Variants in IFT74 observed in about 807,000 individuals in gnomAD.
The protein encoded by IFT74 is intraflagellar transport protein 74 homolog.
A neutral mutation model predicts 96.7 loss-of-function variants in IFT74; 92 were observed. That is an observed-to-expected ratio of 0.95 (90% CI 0.80 to 1.13). The LOEUF is 1.13. Ranked by LOEUF, IFT74 falls within the 50% of genes most tolerant of loss-of-function variation. The pLI is 0.00. For missense variants in IFT74, 811 were observed against 698.2 expected, an observed-to-expected ratio of 1.16 and a Z score of -1.82; for synonymous variants, 223 against 213.2, an observed-to-expected ratio of 1.05 and a Z score of -0.40.
upstream of IFT74, among the ~76,000 whole-genome samples, chr9:26,955,258 C>T (rs1206865198): frequency 6.6e-6 from 1 of 152,184 alleles, no homozygotes; most frequent in African/African-American, 2.4e-5. Context: ...CCTAACACTG[C>T]AGCTTGCAAC....
intron 11 of IFT74, 102 bp from the exon 12 acceptor site, chr9:27,018,545 T>A: frequency 1.9e-6 from 1 of 531,648 alleles, no homozygotes; most frequent in East Asian, 3.2e-5. Flanking sequence ...GAGAGTAGAT[T>A]TGACACTTTA....
chr9:27,022,832 G>A (rs1375669677), intron 12 of IFT74, among the ~76,000 whole-genome samples: 4 of 151,862 alleles, frequency 2.6e-5, no homozygotes, highest in Non-Finnish European at 5.9e-5. Flanking sequence ...TAGTAGAGAC[G>A]GGGTTTCACT....
chr9:26,987,014 T>G (rs1157935627), intron 6 of IFT74, among the ~76,000 whole-genome samples: 1 of 152,202 alleles, frequency 6.6e-6, no homozygotes, highest in African/African-American at 2.4e-5. Flanking sequence ...TAGTAAATGA[T>G]GTTCTGTTTT....
intron 18 of IFT74, among the ~76,000 whole-genome samples, chr9:27,058,093 CTT>C (rs952005404): frequency 6.9e-6 from 1 of 143,916 alleles, no homozygotes. Context: ...TTTCAGCCTT[CTT>C]TTTTTTTTTT....
intron 12 of IFT74, among the ~76,000 whole-genome samples, chr9:27,025,298 C>T (rs1432428941): frequency 6.7e-6 from 1 of 149,510 alleles, no homozygotes; most frequent in Non-Finnish European, 1.5e-5. Context: ...CAAAAATCCG[C>T]TGGGCATGGT....
intron 8 of IFT74, chr9:27,005,583 A>C (rs1452616636): frequency 2.0e-5 from 3 of 152,006 alleles, no homozygotes; most frequent in Non-Finnish European, 4.4e-5. Flanking sequence ...ATAAATATAC[A>C]TATCTTACCT....
In IFT74 at chr9:27,054,116, G is replaced by C. The variant is rs73438237; in HGVS notation, c.1334-1493G>C. ...AATTATACTAACTTTAAAAATTTTG[G>C]TTGGATAACAGCCTGTTTTCTCAAA... On this transcript the variant is annotated intron_variant, in intron 16 of 19. Coordinates refer to ENST00000380062, the MANE Select transcript of IFT74 (RefSeq NM_025103.4). 5.9e-3 allele frequency among the ~76,000 whole-genome samples: 903 copies of C among 152,276 alleles called. 14 individuals are homozygous for C. The highest frequency in any genetic ancestry group is 0.02 in the African/African-American group (851 of 41,554).
intron 13 of IFT74, among the ~76,000 whole-genome samples, chr9:27,040,859 G>C (rs1819446367): frequency 1.3e-5 from 2 of 152,278 alleles, no homozygotes; most frequent in African/African-American, 4.8e-5. Context: ...ACTTCTCAGA[G>C]TATAAAAGCC....
intron 13 of IFT74, among the ~76,000 whole-genome samples, chr9:27,041,523 A>G (rs978717045): frequency 6.6e-6 from 1 of 152,192 alleles, no homozygotes. Context: ...GCTCCGAATT[A>G]AAGGATATCT....
At chr9:26,947,192 A>C in intron 1 of IFT74, 1 of 979,162 alleles carries the variant, frequency 1.0e-6, no homozygotes, top group Non-Finnish European at 1.4e-6. Context: ...CCGGTACGGA[A>C]GGGCGGCTGG....
intron 3 of IFT74, 71 bp downstream of exon 3, chr9:26,978,334 A>T (rs1295166286): frequency 2.7e-6 from 4 of 1,494,230 alleles, no homozygotes; most frequent in African/African-American, 1.4e-5. Flanking sequence ...TGAACAATTT[A>T]AAAAAGTAAA....
chr9:27,036,605 T>G, intron 13 of IFT74: 1 of 1,546,446 alleles, frequency 6.5e-7, no homozygotes, highest in South Asian at 1.3e-5. Flanking sequence ...CTTCAGTCTC[T>G]CTCTAGCACC....
At position 27,048,190 on chromosome 9, in the gene IFT74, G is replaced by T; in HGVS notation, c.1249G>T (p.Glu417Ter). ...IEQISSITNQ[E>*]LKMMQDDLNF... ...ACAGATATCCTCTATCACCAATCAA[G>T]AGCTAAAGATGATGCAGGATGACCT... The change falls in exon 16 of 20, where the codon GAG (glutamate) becomes TAG (stop). Residue 417 changes from glutamate to a stop codon, truncating the protein, a stop_gained. Transcript: ENST00000380062. LOFTEE classifies it high-confidence loss of function. 1 of 1,599,986 alleles carries T rather than the reference G, an allele frequency of 6.3e-7. No individual in the cohort carries two copies. Among genetic ancestry groups the T allele is most frequent in the East Asian group, 2.2e-5 (1 of 44,634 alleles).
At chr9:27,013,529 A>G (rs1411376138) in intron 10 of IFT74, among the ~76,000 whole-genome samples, 3 of 152,230 alleles carry the variant, frequency 2.0e-5, no homozygotes, top group African/African-American at 4.8e-5. Flanking sequence ...GATGTAATGT[A>G]TGTGAATGCT....
chr9:26,995,494 G>T (rs1242771594), intron 8 of IFT74: 1 of 1,359,184 alleles, frequency 7.4e-7, no homozygotes, highest in South Asian at 1.4e-5. Flanking sequence ...TGATAACTTT[G>T]CTTTAAAAAG....
intron 16 of IFT74, among the ~76,000 whole-genome samples, chr9:27,054,566 C>G (rs1820074579): frequency 6.6e-6 from 1 of 152,154 alleles, no homozygotes; most frequent in Non-Finnish European, 1.5e-5. Flanking sequence ...AAGAATGAGA[C>G]ACACACAGGT....
upstream of IFT74, among the ~76,000 whole-genome samples, chr9:26,955,296 T>A (rs1227670434): frequency 6.6e-6 from 1 of 152,186 alleles, no homozygotes; most frequent in East Asian, 1.9e-4. Flanking sequence ...CACTGGTTGC[T>A]GGTGATAGAA....
At chr9:27,042,398 G>T (rs76780854) in intron 13 of IFT74, among the ~76,000 whole-genome samples, 2 of 151,744 alleles carry the variant, frequency 1.3e-5, no homozygotes, top group African/African-American at 2.4e-5. Context: ...TCCCATCCCC[G>T]CAAAAAGCAA....
intron 18 of IFT74, among the ~76,000 whole-genome samples, chr9:27,058,422 G>T (rs530263895): frequency 6.6e-6 from 1 of 150,558 alleles, no homozygotes; most frequent in East Asian, 2.0e-4. Context: ...TTTTGCTCTT[G>T]TCACCCAGGC....
Sources: allele counts gnomAD v4.1 joint callset (sites outside exome capture counted in the v4.1 genomes callset), GRCh38; gene constraint gnomAD v4.1.1; transcripts MANE v1.5; gene names NCBI Gene and HGNC (gene_info 2026-07-23, HGNC 2026-07-21).